Variants in TULP2 observed in about 807,000 individuals in gnomAD.
TULP2 encodes the protein TUB like protein 2, also known as tubby-related protein 2.
In TULP2, 64 loss-of-function variants were observed where a neutral mutation model predicts 60.3. That is an observed-to-expected ratio of 1.06 (90% CI 0.87 to 1.31). The LOEUF is 1.31. Among genes scored for constraint, TULP2 ranks in the 50% most tolerant of loss-of-function variants. The pLI is 0.00. For synonymous variants in TULP2, 267 were observed against 265.4 expected, an observed-to-expected ratio of 1.01 and a Z score of -0.06; for missense variants, 652 against 667.0, an observed-to-expected ratio of 0.98 and a Z score of 0.25.
At chr19:48,885,120 C>G (rs1236810682) in intron 9 of TULP2, among the ~76,000 whole-genome samples, 1 of 151,830 alleles carries the variant, frequency 6.6e-6, no homozygotes, top group East Asian at 2.0e-4. Context: ...AGGCTGGTCT[C>G]AAGCTCCTGA....
intron 12 of TULP2, among the ~76,000 whole-genome samples, chr19:48,881,389 T>A (rs1397097925): frequency 6.9e-6 from 1 of 144,026 alleles, no homozygotes; most frequent in Non-Finnish European, 1.5e-5. Context: ...TTTTTTTTTT[T>A]TTTTTTTTTT....
intron 9 of TULP2, among the ~76,000 whole-genome samples, chr19:48,884,919 T>C (rs1312562442): frequency 7.0e-6 from 1 of 141,952 alleles, no homozygotes; most frequent in Non-Finnish European, 1.5e-5. Flanking sequence ...TTTTTTTTTT[T>C]TTTTTTTTTT....
At chr19:48,883,258 A>G (rs978744974) in intron 11 of TULP2, among the ~76,000 whole-genome samples, 9 of 152,006 alleles carry the variant, frequency 5.9e-5, no homozygotes, top group African/African-American at 2.2e-4. Flanking sequence ...GTCTAAAAGA[A>G]GCAGGAACCC....
intron 11 of TULP2, among the ~76,000 whole-genome samples, 189 bp downstream of exon 11, chr19:48,883,565 A>G (rs138453975): frequency 6.6e-6 from 1 of 152,096 alleles, no homozygotes; most frequent in African/African-American, 2.4e-5. Flanking sequence ...TCCAGATGCA[A>G]ATGTTTTGAG....
At position 48,883,776 on chromosome 19, in the gene TULP2, C is replaced by T. The variant is rs34182743; in HGVS notation, c.1253G>A (p.Arg418Gln). The T allele has an allele frequency of 1.1e-3, 1,787 of 1,614,044 alleles. 6 individuals carry two copies. Among genetic ancestry groups the T allele is most frequent in the Admixed American group, 1.4e-3 (83 of 60,000 alleles). ...CACATTTAGTGGCTGGACATTGATT[C>T]GCTGGTTCTGGCTGTTGGTTCCTGG... Reference protein sequence around the residue: ...ILPGTNSQNQRINVQPLNEQE... With the variant: ...ILPGTNSQNQQINVQPLNEQE... The change falls in exon 11 of 13, where the codon CGA (arginine) becomes CAA (glutamine). Residue 418 changes from arginine (R) to glutamine (Q), a missense_variant. Physicochemically the swap from Arg to Gln is conservative, Grantham distance 43 (BLOSUM62 1). Transcript: ENST00000221399.
chr19:48,896,365 C>G (rs1470685493), intron 4 of TULP2, 65 bp downstream of exon 4: 3 of 1,511,014 alleles, frequency 2.0e-6, no homozygotes, highest in Admixed American at 2.2e-5. Context: ...ATCCACTAGG[C>G]CCCGCCCACA....
Position 48,888,148 on chromosome 19 carries a change from G to A in TULP2, c.750C>T (p.Ser250=), listed in dbSNP as rs773196976. 10 of 1,614,064 alleles carry A rather than the reference G, an allele frequency of 6.2e-6. No individual in the cohort carries two copies. The highest frequency in any genetic ancestry group is 3.3e-5 in the Admixed American group (2 of 59,986). ...AGGAGGCTTCGTGCCTCATATGGTC[G>A]CTGTCCGTGCCACCCTCGCCTTTCA... The part of the protein sequence containing the change: ...KALKGEGGTD[S]DHMRHEASLA... Residue 250 remains serine, a synonymous_variant, in exon 8 of 13, where the codon AGC becomes AGT. Transcript: ENST00000221399.
chr19:48,882,432 G>A (rs556026017), intron 11 of TULP2, among the ~76,000 whole-genome samples: 21 of 152,162 alleles, frequency 1.4e-4, no homozygotes, highest in East Asian at 5.8e-4. Flanking sequence ...CTTGTTCCCC[G>A]GTGCAGTAAA....
chr19:48,887,703 G>A (rs1356526352), intron 8 of TULP2, among the ~76,000 whole-genome samples: 2 of 152,102 alleles, frequency 1.3e-5, no homozygotes, highest in East Asian at 1.9e-4. Context: ...GACTACAGGC[G>A]CCTGCCACCA....
Position 48,895,052 on chromosome 19 carries a change from A to G in TULP2, c.460T>C (p.Phe154Leu), listed in dbSNP as rs780498030. 1 of 1,614,094 alleles carries G rather than the reference A, an allele frequency of 6.2e-7. No individual in the cohort carries two copies. Among genetic ancestry groups the G allele is most frequent in the Non-Finnish European group, 8.5e-7 (1 of 1,180,020 alleles). Residue 154 changes from phenylalanine (F) to leucine (L), a missense_variant, in exon 6 of 13, where the codon TTT becomes CTT. Phe to Leu is a conservative substitution (Grantham distance 22). Coordinates refer to ENST00000221399, the MANE Select transcript of TULP2 (RefSeq NM_003323.3). ...VENGSVSPPPFKQSPRIRRKG... is the reference protein window; with the variant it reads ...VENGSVSPPPLKQSPRIRRKG... ...CGTCGGATTCTCGGAGACTGTTTAA[A>G]AGGTGGGGGAGAGACGGAACCATTC...
At chr19:48,882,006 G>A (rs777300166) in intron 12 of TULP2, 26 bp downstream of exon 12, 9 of 1,614,024 alleles carry the variant, frequency 5.6e-6, no homozygotes, top group African/African-American at 5.3e-5. Context: ...CACCTGGCCC[G>A]GCTAAACTGG....
chr19:48,886,769 T>C (rs928165234), intron 8 of TULP2, among the ~76,000 whole-genome samples: 2 of 146,388 alleles, frequency 1.4e-5, no homozygotes, highest in Non-Finnish European at 3.0e-5. Flanking sequence ...TCCAGACTAT[T>C]TTTTTTTTTT....
intron 6 of TULP2, among the ~76,000 whole-genome samples, chr19:48,891,014 A>G (rs1429055986): frequency 6.6e-6 from 1 of 150,822 alleles, no homozygotes; most frequent in Non-Finnish European, 1.5e-5. Context: ...TACCACACGG[A>G]TGAACCTTAA....
At chr19:48,893,611 T>C (rs2037253403) in intron 6 of TULP2, among the ~76,000 whole-genome samples, 1 of 152,142 alleles carries the variant, frequency 6.6e-6, no homozygotes, top group Non-Finnish European at 1.5e-5. Flanking sequence ...TGGAATGCAG[T>C]AGCCTGATCT....
At chr19:48,881,920 T>A in intron 12 of TULP2, 112 bp downstream of exon 12, 1 of 1,431,090 alleles carries the variant, frequency 7.0e-7, no homozygotes, top group Non-Finnish European at 9.7e-7. Context: ...TAGGGTGGCA[T>A]CTGCCCTGCC....
In TULP2 at chr19:48,895,362, A is replaced by G; in HGVS notation, c.349+4T>C. 1 of 1,613,246 alleles carries G rather than the reference A, an allele frequency of 6.2e-7. No homozygotes were observed. The highest frequency in any genetic ancestry group is 8.5e-7 in the Non-Finnish European group (1 of 1,179,508). ...GTCTAGGAGGTCGGTGGACTCGCAA[A>G]TACCTGCTTCTGTCCGCGGTGTCGG... is the stretch of plus-strand genomic sequence containing the variant. On this transcript the variant is annotated splice_donor_region_variant and intron_variant, in intron 5 of 12. Transcript: ENST00000221399.
intron 6 of TULP2, among the ~76,000 whole-genome samples, chr19:48,892,985 G>A (rs960822951): frequency 4.6e-5 from 7 of 151,384 alleles, no homozygotes; most frequent in African/African-American, 1.2e-4. Flanking sequence ...GCTCACACCC[G>A]TAATCCCAGC....
intron 7 of TULP2, among the ~76,000 whole-genome samples, chr19:48,889,255 C>T (rs1228825524): frequency 6.6e-6 from 1 of 152,148 alleles, no homozygotes; most frequent in African/African-American, 2.4e-5. Context: ...GGATTACAGG[C>T]GTGAGCCACC....
Position 48,882,021 on chromosome 19 carries a change from C to CA in TULP2, c.1447+10dup, listed in dbSNP as rs758436050. ...CACCTGGCCCGGCTAAACTGGTTTC[C>CA]AGGAGCTCACGGTGTTTGGGATCCA... is the stretch of plus-strand genomic sequence containing the variant. On this transcript the variant is annotated intron_variant, in intron 12 of 12. Coordinates refer to ENST00000221399, the MANE Select transcript of TULP2 (RefSeq NM_003323.3). 6.2e-7 allele frequency: 1 copy of CA among 1,614,198 alleles called. No individual in the cohort carries two copies. Among genetic ancestry groups the CA allele is most frequent in the Non-Finnish European group, 8.5e-7 (1 of 1,180,042 alleles).
Sources: gnomAD v4.1 joint callset for allele counts (sites outside exome capture counted in the v4.1 genomes callset) on GRCh38, gnomAD v4.1.1 for gene constraint, MANE v1.5 for transcripts, NCBI Gene and HGNC (gene_info 2026-07-23, HGNC 2026-07-21) for gene names.